The following PTRH1 variants were observed in gnomAD, a reference collection of about 807,000 sequenced individuals.
PTRH1 encodes peptidyl-tRNA hydrolase.
In PTRH1, 13 loss-of-function variants were observed where a neutral mutation model predicts 15.7. The observed-to-expected ratio is 0.83, with a 90% CI of 0.54 to 1.31. The LOEUF (loss-of-function observed/expected upper bound fraction) is 1.31. Ranked by LOEUF, PTRH1 falls within the 40% of genes most tolerant of loss-of-function variation. The pLI is 0.00. For synonymous variants in PTRH1, 139 were observed against 136.7 expected, an observed-to-expected ratio of 1.02 and a Z score of -0.12; for missense variants, 319 against 296.2, an observed-to-expected ratio of 1.08 and a Z score of -0.56.
rs752521841 is a variant in PTRH1, at chr9:127,715,547, C to T, written c.93G>A (p.Trp31Ter). The change falls in exon 1 of 5, where the codon TGG (tryptophan) becomes TGA (stop). Residue 31 changes from tryptophan (W) to a stop codon, truncating the protein, a stop_gained. Transcript: ENST00000543175. LOFTEE classifies it high-confidence loss of function. The surrounding 1 kb of genome is among the most constrained non-coding windows in gnomAD (Gnocchi z 5.8). ...GTCGCCGCCCCACGCCACTCACCAT[C>T]CACCGCTTCCCCGGGGGGCGAGGCT... ...VLEPRPPGKR[W>*]MVAGLGNPGL... is the part of the protein sequence containing the mutation. The T allele has an allele frequency of 1.7e-5, 28 of 1,613,390 alleles. No individual in the cohort carries two copies. Among genetic ancestry groups the T allele is most frequent in the Non-Finnish European group, 4.2e-6 (5 of 1,180,038 alleles).
chr9:127,710,492 A>T (rs1842739749), downstream of PTRH1: 45 of 1,352,226 alleles, frequency 3.3e-5, no homozygotes, highest in Non-Finnish European at 4.4e-5. Context: ...CTGAGACCAC[A>T]CAGGGCGCAC....
Position 127,714,051 on chromosome 9 carries a change from G to A in PTRH1, c.*49C>T, listed in dbSNP as rs1436740092. The A allele has an allele frequency of 6.3e-7, 1 of 1,597,010 alleles. No homozygotes were observed. The highest frequency in any genetic ancestry group is 1.1e-5 in the South Asian group (1 of 90,374). On this transcript the variant is annotated 3_prime_UTR_variant, in exon 5 of 5. Transcript: ENST00000543175. ...CTGGCGTGGCAGCTCTGTGGCAGTG[G>A]CTGGGTTGGTGGGCACTACAGTCAG...
At chr9:127,712,972 A>C (rs541652643), downstream of PTRH1, 320 of 1,602,066 alleles carry the variant, frequency 2.0e-4, 4 homozygotes, top group South Asian at 3.4e-3. Flanking sequence ...CCTGGGCCAG[A>C]AACCTGGCTC....
At chr9:127,711,765 C>CAG, downstream of PTRH1, 1 of 1,531,252 alleles carries the variant, frequency 6.5e-7, no homozygotes, top group Non-Finnish European at 8.8e-7. Flanking sequence ...CTGGCTGTGT[C>CAG]TGCAGCTGGG....
intron 1 of PTRH1, among the ~76,000 whole-genome samples, chr9:127,699,400 G>T (rs1468846689): frequency 6.6e-6 from 1 of 152,234 alleles, no homozygotes; most frequent in Non-Finnish European, 1.5e-5. Flanking sequence ...CGGATCAGAC[G>T]CGGCCTCGGG....
intron 1 of PTRH1, chr9:127,695,578 C>T (rs1410129404): frequency 6.3e-6 from 1 of 157,932 alleles, no homozygotes; most frequent in Non-Finnish European, 1.4e-5. Context: ...ATAATGTGAA[C>T]CTGTGATCAA....
At chr9:127,699,190 A>T (rs930350027) in intron 1 of PTRH1, among the ~76,000 whole-genome samples, 7 of 152,148 alleles carry the variant, frequency 4.6e-5, no homozygotes, top group Non-Finnish European at 8.8e-5. Context: ...CCGACCAAGG[A>T]CAACTTCTTG....
intron 1 of PTRH1, among the ~76,000 whole-genome samples, chr9:127,699,513 T>G (rs1345003296): frequency 6.6e-6 from 1 of 151,822 alleles, no homozygotes; most frequent in Non-Finnish European, 1.5e-5. Flanking sequence ...GTTCCTGGAG[T>G]AAGACGGTTG....
chr9:127,710,866 C>T (rs1204780729), downstream of PTRH1: 4 of 1,234,804 alleles, frequency 3.2e-6, no homozygotes, highest in Non-Finnish European at 3.4e-6. Context: ...GGGAAACTGA[C>T]CGCCGCCCCG....
chr9:127,698,868 C>T (rs1842582218), intron 1 of PTRH1, among the ~76,000 whole-genome samples: 1 of 151,300 alleles, frequency 6.6e-6, no homozygotes, highest in Non-Finnish European at 1.5e-5. Flanking sequence ...GCCCCTGGAG[C>T]TGTCCCTGTC....
intron 1 of PTRH1, among the ~76,000 whole-genome samples, chr9:127,704,533 AAG>A (rs1842628477): frequency 2.0e-5 from 3 of 151,858 alleles, no homozygotes; most frequent in Non-Finnish European, 4.4e-5. Flanking sequence ...AGAAAAGAAA[AAG>A]AAAAAAAATG....
chr9:127,706,438 A>T (rs1842649344), intron 1 of PTRH1, among the ~76,000 whole-genome samples: 1 of 152,170 alleles, frequency 6.6e-6, no homozygotes. Context: ...AAGCCCTGGG[A>T]TGACAGGGAT....
intron 1 of PTRH1, among the ~76,000 whole-genome samples, chr9:127,702,090 T>A (rs556883191): frequency 7.3e-5 from 11 of 151,698 alleles, no homozygotes; most frequent in Non-Finnish European, 1.6e-4. Flanking sequence ...TAGCCAGAGG[T>A]AGGCTGGGCG....
downstream of PTRH1, among the ~76,000 whole-genome samples, chr9:127,709,170 C>T (rs1055798045): frequency 6.6e-6 from 1 of 152,234 alleles, no homozygotes; most frequent in Non-Finnish European, 1.5e-5. The surrounding 1 kb of genome is among the most constrained non-coding windows in gnomAD (Gnocchi z 4.7). Context: ...TACTTGTAAA[C>T]ATAACAAGGC....
At chr9:127,696,899 T>G (rs1039927558) in intron 1 of PTRH1, among the ~76,000 whole-genome samples, 1 of 151,968 alleles carries the variant, frequency 6.6e-6, no homozygotes, top group Non-Finnish European at 1.5e-5. Context: ...AAGCAGACAG[T>G]GGGATTCCAG....
chr9:127,711,973 C>T (rs1244986608), downstream of PTRH1: 18 of 1,592,640 alleles, frequency 1.1e-5, no homozygotes, highest in Middle Eastern at 2.1e-4. Flanking sequence ...CACGGAGGGG[C>T]GGGCGGCGGG....
chr9:127,710,688 A>T (rs933870019), downstream of PTRH1: 9 of 1,577,588 alleles, frequency 5.7e-6, no homozygotes, highest in African/African-American at 1.3e-5. Context: ...CAGGTGCGGA[A>T]GCAGGAGAAT....
intron 1 of PTRH1, among the ~76,000 whole-genome samples, chr9:127,703,133 T>C (rs1842616424): frequency 1.3e-5 from 2 of 152,026 alleles, no homozygotes; most frequent in Admixed American, 1.3e-4. Context: ...CTCATTCTAT[T>C]GCCCAATTCT....
At chr9:127,712,634 G>A, downstream of PTRH1, 1 of 1,611,822 alleles carries the variant, frequency 6.2e-7, no homozygotes, top group Non-Finnish European at 8.5e-7. Context: ...AATGGGCACT[G>A]AGGTTGGAAT....
Sources: gnomAD v4.1 joint callset for allele counts (sites outside exome capture counted in the v4.1 genomes callset) on GRCh38, gnomAD v4.1.1 for gene constraint, Gnocchi (gnomAD v3.1) non-coding constraint, MANE v1.5 for transcripts, NCBI Gene and HGNC (gene_info 2026-07-23, HGNC 2026-07-21) for gene names.